The following ARMH3 variants were observed in gnomAD, a reference collection of about 807,000 sequenced individuals.
The protein encoded by ARMH3 is armadillo like helical domain containing 3, also known as armadillo-like helical domain-containing protein 3.
ARMH3 carries 60 observed loss-of-function variants against 99.1 expected under a neutral mutation model. That is an observed-to-expected ratio of 0.61 (90% CI 0.49 to 0.75). The LOEUF (loss-of-function observed/expected upper bound fraction) is 0.75. Ranked by LOEUF, ARMH3 falls within the 30% of genes least tolerant of loss-of-function variation. ARMH3 has a pLI of 0.00. For missense variants in ARMH3, 679 were observed against 843.1 expected (o/e 0.81, Z 2.41); for synonymous variants, 285 against 292.8 (o/e 0.97, Z 0.27).
chr10:102,015,966 T>G (rs2066741295), intron 8 of ARMH3, among the ~76,000 whole-genome samples: 1 of 152,054 alleles, frequency 6.6e-6, no homozygotes, highest in African/African-American at 2.4e-5. Context: ...AAACCCTATC[T>G]CTACAAAAAA....
intron 5 of ARMH3, among the ~76,000 whole-genome samples, chr10:102,026,876 CTAA>C (rs1262054893): frequency 3.3e-5 from 5 of 152,212 alleles, no homozygotes; most frequent in Non-Finnish European, 7.3e-5. Context: ...AGCATGGAGA[CTAA>C]TGAGGACTTC....
At chr10:101,905,609 T>C (rs768367157) in intron 23 of ARMH3, among the ~76,000 whole-genome samples, 51 of 152,304 alleles carry the variant, frequency 3.3e-4, no homozygotes, top group Non-Finnish European at 5.3e-4. Flanking sequence ...GTATGAAATT[T>C]GAGACTCTAT....
chr10:102,035,048 C>A lies in ARMH3; in HGVS notation c.103-1709G>T, dbSNP rs906488041. On this transcript the variant is annotated intron_variant, in intron 2 of 25. Transcript: ENST00000370033. ...GGTCAAGAGTTTGAGACCAGCCTGG[C>A]GAACACGGTGAAACCCCATCTCTAC... 1.4e-4 allele frequency among the ~76,000 whole-genome samples: 21 copies of A among 152,232 alleles called. No homozygotes were observed. The East Asian group carries it at 3.3e-3, about 24-fold the overall frequency.
chr10:101,889,654 T>C lies in ARMH3; in HGVS notation c.1782-164A>G, dbSNP rs538048951. 3.7e-5 allele frequency: 25 copies of C among 676,140 alleles called. No individual in the cohort carries two copies. In the African/African-American group the frequency reaches 4.4e-4, roughly 12 times the overall value. The allele number at this position is 676,140 out of a possible 1,614,324, so 41.9% of individuals were successfully genotyped here. On this transcript the variant is annotated intron_variant, in intron 23 of 25. Coordinates refer to ENST00000370033, the MANE Select transcript of ARMH3 (RefSeq NM_024541.3). ...AACATGAGGTAGTCACAAATGGGGG[T>C]GAATTGATAACTCTGAAGTGGGAAG...
chr10:101,871,159 C>T (rs541811436), intron 24 of ARMH3, among the ~76,000 whole-genome samples: 5 of 152,066 alleles, frequency 3.3e-5, no homozygotes, highest in East Asian at 1.9e-4. Context: ...AAGTACACTA[C>T]GAAACACTGA....
chr10:101,854,333 A>G (rs1180656397), intron 24 of ARMH3, among the ~76,000 whole-genome samples: 2 of 152,194 alleles, frequency 1.3e-5, no homozygotes, highest in Non-Finnish European at 2.9e-5. Context: ...GTAACATACA[A>G]TTGATGGAAA....
chr10:101,988,597 G>A (rs891087921), intron 19 of ARMH3, among the ~76,000 whole-genome samples: 4 of 152,222 alleles, frequency 2.6e-5, no homozygotes, highest in Middle Eastern at 6.8e-3. Context: ...TCAGACCTAC[G>A]AAAGCAAGAC....
chr10:101,906,431 T>A (rs1842639631), intron 23 of ARMH3, among the ~76,000 whole-genome samples: 1 of 152,186 alleles, frequency 6.6e-6, no homozygotes. Flanking sequence ...AATTGAATAG[T>A]GGCTGCTATA....
intron 23 of ARMH3, among the ~76,000 whole-genome samples, chr10:101,896,770 A>T (rs1012637218): frequency 6.6e-6 from 1 of 152,154 alleles, no homozygotes; most frequent in African/African-American, 2.4e-5. Context: ...CTATCCTATA[A>T]ATTACAGAAG....
chr10:101,926,674 A>G (rs1477492262), intron 23 of ARMH3, among the ~76,000 whole-genome samples: 1 of 152,260 alleles, frequency 6.6e-6, no homozygotes, highest in African/African-American at 2.4e-5. Flanking sequence ...CTTTGTGGCT[A>G]GACCTTATAA....
At chr10:101,985,233 CATGT>C (rs1359422418) in intron 19 of ARMH3, among the ~76,000 whole-genome samples, 1 of 145,502 alleles carries the variant, frequency 6.9e-6, no homozygotes, top group Non-Finnish European at 1.5e-5. Context: ...TACGTATATA[CATGT>C]ATATATACGT....
At chr10:101,975,121 G>T in intron 20 of ARMH3, 91 bp downstream of exon 20, 2 of 683,828 alleles carry the variant, frequency 2.9e-6, no homozygotes, top group Non-Finnish European at 4.3e-6. Flanking sequence ...CAAACCAAAA[G>T]GTTAAAAAAC....
chr10:101,995,444 G>A, intron 15 of ARMH3, 89 bp from the exon 16 acceptor site: 1 of 1,099,166 alleles, frequency 9.1e-7, no homozygotes, highest in Middle Eastern at 2.4e-4. Flanking sequence ...ATCATAAAAG[G>A]AAACATTCAC....
At chr10:101,941,339 T>G (rs1304229079) in intron 22 of ARMH3, among the ~76,000 whole-genome samples, 2 of 152,220 alleles carry the variant, frequency 1.3e-5, no homozygotes, top group Non-Finnish European at 2.9e-5. Context: ...ATTATTAATT[T>G]CAACAGACTA....
chr10:102,011,786 A>G lies in ARMH3; in HGVS notation c.771-3T>C. On this transcript the variant is annotated splice_polypyrimidine_tract_variant and splice_region_variant and intron_variant, in intron 10 of 25. Coordinates refer to ENST00000370033, the MANE Select transcript of ARMH3 (RefSeq NM_024541.3). ...CTTCTTCCTTGTCTTTATACTGCCT[A>G]AACAAAAAGAACTAAATTCAACTTT... 2 of 1,603,350 alleles carry G rather than the reference A, an allele frequency of 1.2e-6. No individual in the cohort carries two copies. Among genetic ancestry groups the G allele is most frequent in the East Asian group, 2.2e-5 (1 of 44,784 alleles).
intron 25 of ARMH3, among the ~76,000 whole-genome samples, chr10:101,849,564 T>C (rs1266327394): frequency 6.6e-6 from 1 of 152,224 alleles, no homozygotes; most frequent in African/African-American, 2.4e-5. Context: ...GTGCAAGGGC[T>C]GTCTCCATGG....
At chr10:102,045,924 A>G (rs1287596866) in intron 1 of ARMH3, among the ~76,000 whole-genome samples, 1 of 151,996 alleles carries the variant, frequency 6.6e-6, no homozygotes, top group Non-Finnish European at 1.5e-5. Context: ...GAGAAACCCC[A>G]TCTCTACTAA....
chr10:102,029,874 C>T, intron 4 of ARMH3, 129 bp from the exon 5 acceptor site: 1 of 967,188 alleles, frequency 1.0e-6, no homozygotes, highest in Non-Finnish European at 1.5e-6. Context: ...AGCTCCAAAA[C>T]ACAGTCTGAG....
intron 18 of ARMH3, 32 bp downstream of exon 18, chr10:101,991,936 AG>A (rs759898912): frequency 6.3e-7 from 1 of 1,581,580 alleles, no homozygotes; most frequent in South Asian, 1.1e-5. Flanking sequence ...TCGCTGTCAC[AG>A]AACAATGTCA....
Sources: allele counts gnomAD v4.1 joint callset (sites outside exome capture counted in the v4.1 genomes callset), GRCh38; gene constraint gnomAD v4.1.1; transcripts MANE v1.5; gene names NCBI Gene and HGNC (gene_info 2026-07-23, HGNC 2026-07-21).